Variants in GPR107 observed in about 807,000 individuals in gnomAD.
The protein encoded by GPR107 is protein GPR107.
A neutral mutation model predicts 75.5 loss-of-function variants in GPR107; 31 were observed. That is an observed-to-expected ratio of 0.41 (90% CI 0.31 to 0.55). The LOEUF is 0.55. GPR107 is among the 20% of genes least tolerant of loss of function. The pLI is 0.26. For missense variants in GPR107, 572 were observed against 665.7 expected (o/e 0.86, Z 1.55); for synonymous variants, 267 against 251.3 (o/e 1.06, Z -0.59).
At chr9:130,118,664 CT>C (rs1831481564) in intron 14 of GPR107, among the ~76,000 whole-genome samples, 1 of 151,840 alleles carries the variant, frequency 6.6e-6, no homozygotes, top group Non-Finnish European at 1.5e-5. Flanking sequence ...CAACCCCCGT[CT>C]CCTCCTTTTC....
chr9:130,087,616 TGTG>T (rs953809843), intron 7 of GPR107, among the ~76,000 whole-genome samples: 7 of 151,470 alleles, frequency 4.6e-5, no homozygotes, highest in Middle Eastern at 3.2e-3. Flanking sequence ...TCCTGGGAAA[TGTG>T]GTGAAACTTC....
chr9:130,116,948 A>AT (rs10578715), intron 14 of GPR107, among the ~76,000 whole-genome samples: 2,595 of 137,778 alleles, frequency 0.019, 84 homozygotes, highest in African/African-American at 0.067. Flanking sequence ...TTTGAAATGT[A>AT]TTTTTTTTTT....
intron 14 of GPR107, among the ~76,000 whole-genome samples, chr9:130,109,324 C>T (rs1019091786): frequency 6.6e-6 from 1 of 152,020 alleles, no homozygotes; most frequent in Non-Finnish European, 1.5e-5. Flanking sequence ...GTGCCTGCTA[C>T]CACGCTCAGC....
At chr9:130,108,124 C>T (rs1831204227) in intron 14 of GPR107, among the ~76,000 whole-genome samples, 1 of 152,178 alleles carries the variant, frequency 6.6e-6, no homozygotes, top group South Asian at 2.1e-4. Flanking sequence ...TGGTTCTGGG[C>T]TTATTTGAAT....
chr9:130,080,020 A>G (rs950202080), intron 5 of GPR107, among the ~76,000 whole-genome samples: 3 of 152,212 alleles, frequency 2.0e-5, no homozygotes, highest in Admixed American at 6.5e-5. Flanking sequence ...AGCTTGTTTC[A>G]TAAGTCTAGA....
At chr9:130,108,752 T>C (rs1303298895) in intron 14 of GPR107, 1 of 455,594 alleles carries the variant, frequency 2.2e-6, no homozygotes, top group African/African-American at 2.0e-5. Context: ...CGTTTTCTCA[T>C]TTTTTTCCCC....
chr9:130,076,536 T>G, intron 3 of GPR107, 74 bp downstream of exon 3: 2 of 922,676 alleles, frequency 2.2e-6, no homozygotes, highest in Non-Finnish European at 1.8e-6. Flanking sequence ...ACCCTACTTC[T>G]TGCAGTTCCA....
intron 7 of GPR107, 78 bp downstream of exon 7, chr9:130,086,554 T>G: frequency 1.2e-6 from 1 of 849,174 alleles, no homozygotes; most frequent in South Asian, 1.4e-5. Flanking sequence ...TAGAGGAATT[T>G]TGAATTTAGG....
Position 130,135,354 on chromosome 9 carries a change from G to A in GPR107, c.*233G>A, listed in dbSNP as rs936870811. 2.0e-5 allele frequency: 9 copies of A among 458,198 alleles called. No individual in the cohort carries two copies. The East Asian group carries it at 2.6e-4, about 13-fold the overall frequency. The allele number at this position is 458,198 out of a possible 1,614,324, so 28.4% of individuals were successfully genotyped here. On this transcript the variant is annotated 3_prime_UTR_variant, in exon 18 of 18. Transcript: ENST00000347136. ...CTCTTTCAGGCGGGAATGGGAGGGC[G>A]GGCACAGGGAGGAGGAGAGGAAGAG... is the stretch of plus-strand genomic sequence containing the variant.
intron 17 of GPR107, 103 bp downstream of exon 17, chr9:130,128,864 A>G (rs913598772): frequency 6.5e-6 from 7 of 1,070,760 alleles, no homozygotes; most frequent in African/African-American, 3.2e-5. Context: ...TCGTGGCTGC[A>G]GGGGTGGTTC....
intron 10 of GPR107, among the ~76,000 whole-genome samples, 198 bp from the exon 11 acceptor site, chr9:130,100,431 C>A (rs1830995340): frequency 1.3e-5 from 2 of 152,180 alleles, no homozygotes; most frequent in Non-Finnish European, 1.5e-5. Flanking sequence ...AGCACACTTG[C>A]AAGGATGACA....
At chr9:130,054,478 C>T (rs1455844408) in intron 1 of GPR107, among the ~76,000 whole-genome samples, 1 of 152,156 alleles carries the variant, frequency 6.6e-6, no homozygotes, top group East Asian at 1.9e-4. Flanking sequence ...TTGTACTGTA[C>T]CGGCGGTTTG....
At chr9:130,118,865 C>G (rs2132638724) in intron 14 of GPR107, among the ~76,000 whole-genome samples, 1 of 152,340 alleles carries the variant, frequency 6.6e-6, no homozygotes. Context: ...ACAGAGGCAG[C>G]AGGCCAAGGG....
chr9:130,132,967 C>T (rs1172778818), intron 17 of GPR107: 1 of 152,068 alleles, frequency 6.6e-6, no homozygotes, highest in African/African-American at 2.4e-5. Flanking sequence ...CCTGACCTCC[C>T]ACCCATCTTG....
chr9:130,113,674 C>T (rs1419726467), intron 14 of GPR107, among the ~76,000 whole-genome samples: 1 of 152,128 alleles, frequency 6.6e-6, no homozygotes, highest in Non-Finnish European at 1.5e-5. Flanking sequence ...CTGGCCAGTG[C>T]AGGATGTTCC....
intron 13 of GPR107, among the ~76,000 whole-genome samples, chr9:130,106,232 T>G (rs1412036376): frequency 6.6e-6 from 1 of 152,122 alleles, no homozygotes; most frequent in East Asian, 1.9e-4. Context: ...GCAAAATTCC[T>G]TAAGGTAAAT....
Position 130,053,953 on chromosome 9 carries a change from C to T in GPR107, c.21C>T (p.Val7=), listed in dbSNP as rs1216315384. The T allele has an allele frequency of 6.4e-7, 1 of 1,555,912 alleles. No homozygotes were observed. The highest frequency in any genetic ancestry group is 8.7e-7 in the Non-Finnish European group (1 of 1,151,352). The change falls in exon 1 of 18, where the codon GTC becomes GTT. Residue 7 remains valine, a synonymous_variant. Transcript: ENST00000347136. ...CAAACATGGCCGCTCTGGCGCCCGT[C>T]GGCTCCCCCGCCTCCCGCGGTCCTA... MAALAP[V]GSPASRGPRL...
chr9:130,072,017 G>C (rs1830222130), intron 1 of GPR107, among the ~76,000 whole-genome samples: 1 of 151,782 alleles, frequency 6.6e-6, no homozygotes, highest in South Asian at 2.1e-4. Context: ...CTGTTTCCCA[G>C]ACTGGAGTGC....
chr9:130,085,649 CT>C (rs2132580188), intron 6 of GPR107, among the ~76,000 whole-genome samples: 1 of 151,264 alleles, frequency 6.6e-6, no homozygotes, highest in East Asian at 2.0e-4. Flanking sequence ...ATGCAGCACT[CT>C]TTTCTGTCTT....
Sources: allele counts gnomAD v4.1 joint callset (sites outside exome capture counted in the v4.1 genomes callset), GRCh38; gene constraint gnomAD v4.1.1; transcripts MANE v1.5; gene names NCBI Gene and HGNC (gene_info 2026-07-23, HGNC 2026-07-21).